UST: variants seen among roughly 807,000 people sequenced by gnomAD.
UST encodes the protein chondroitin sulfate 2-O-sulfotransferase.
A neutral mutation model predicts 45.6 loss-of-function variants in UST; 21 were observed. The observed-to-expected ratio is 0.46, with a 90% CI of 0.33 to 0.66. The LOEUF is 0.66. Among genes scored for constraint, UST ranks in the 30% least tolerant of loss-of-function variants. The probability of loss-of-function intolerance (pLI) is 0.02; values close to 1 mark genes in which losing one functional copy is unlikely to be tolerated. For synonymous variants in UST, 215 were observed against 200.6 expected, an observed-to-expected ratio of 1.07 and a Z score of -0.61; for missense variants, 463 against 512.4, an observed-to-expected ratio of 0.90 and a Z score of 0.93.
At chr6:148,814,956 G>A (rs932443519) in intron 1 of UST, among the ~76,000 whole-genome samples, 1 of 152,182 alleles carries the variant, frequency 6.6e-6, no homozygotes, top group Non-Finnish European at 1.5e-5. Context: ...ATATTAGGAT[G>A]TGTGTGCATA....
At chr6:149,023,427 G>A (rs1045254280) in intron 7 of UST, among the ~76,000 whole-genome samples, 1 of 152,144 alleles carries the variant, frequency 6.6e-6, no homozygotes, top group African/African-American at 2.4e-5. Context: ...TCAGATAACT[G>A]CAGCCCCAAC....
Position 149,074,189 on chromosome 6 carries a change from A to C in UST, c.*73A>C, listed in dbSNP as rs1472903806. On this transcript the variant is annotated 3_prime_UTR_variant, in exon 8 of 8. Coordinates refer to ENST00000367463, the MANE Select transcript of UST (RefSeq NM_005715.3). ...CTTTGTTTGGGGAAGTAAAATCCTT[A>C]AGGGACTAAATTAATGCTTGGGTGC... 31 of 1,514,874 alleles carry C rather than the reference A, an allele frequency of 2.0e-5. No homozygotes were observed. Among genetic ancestry groups the C allele is most frequent in the Non-Finnish European group, 2.7e-5 (30 of 1,111,864 alleles). 93.8% of individuals were successfully genotyped at this position (1,514,874 alleles called of 1,614,324 possible).
At chr6:148,847,690 C>T (rs1005066742) in intron 1 of UST, among the ~76,000 whole-genome samples, 1 of 152,184 alleles carries the variant, frequency 6.6e-6, no homozygotes, top group Non-Finnish European at 1.5e-5. Flanking sequence ...AATACAGATA[C>T]TGTGAGGAAA....
chr6:149,016,988 G>A (rs1319103686), intron 5 of UST, among the ~76,000 whole-genome samples: 1 of 152,224 alleles, frequency 6.6e-6, no homozygotes, highest in Non-Finnish European at 1.5e-5. Flanking sequence ...AGGGCAGGGG[G>A]CTCAGAGCAT....
chr6:148,822,525 G>C (rs1777487314), intron 1 of UST, among the ~76,000 whole-genome samples: 1 of 152,204 alleles, frequency 6.6e-6, no homozygotes, highest in South Asian at 2.1e-4. Flanking sequence ...TGAATGTATA[G>C]AAAGAGAAAT....
chr6:148,748,398 CTTGTGTGT>C lies in UST; in HGVS notation c.247+722_247+729del, dbSNP rs1237200095. Among the ~76,000 whole-genome samples, 1 of 116,144 alleles carries C rather than the reference CTTGTGTGT, an allele frequency of 8.6e-6. No individual in the cohort carries two copies. Among genetic ancestry groups the C allele is most frequent in the Non-Finnish European group, 1.8e-5 (1 of 56,620 alleles). 76.2% of individuals were successfully genotyped at this position (116,144 alleles called of 152,430 possible). On this transcript the variant is annotated intron_variant, in intron 1 of 7. Transcript: ENST00000367463. The surrounding 1 kb of genome is among the most constrained non-coding windows in gnomAD (Gnocchi z 5.3). ...TGTGCGTCTCAAGCTCAAGTCAAAA[CTTGTGTGT>C]GTGTGTGTGTGTGTGTGTGTGTGTG... is the stretch of plus-strand genomic sequence containing the variant.
intron 5 of UST, among the ~76,000 whole-genome samples, chr6:148,977,982 T>G (rs1781052972): frequency 6.6e-6 from 1 of 152,140 alleles, no homozygotes; most frequent in Non-Finnish European, 1.5e-5. Context: ...GTTTTCTTCA[T>G]TTAGATCTTG....
At chr6:148,949,866 T>C (rs1780330256) in intron 3 of UST, among the ~76,000 whole-genome samples, 1 of 152,174 alleles carries the variant, frequency 6.6e-6, no homozygotes, top group South Asian at 2.1e-4. Context: ...TCCTGAAGAA[T>C]TTTCAGATGC....
chr6:148,878,551 G>A (rs1287322025), intron 1 of UST, among the ~76,000 whole-genome samples: 30 of 113,390 alleles, frequency 2.6e-4, no homozygotes, highest in Admixed American at 8.7e-4. Context: ...GTATGAGTGT[G>A]GGGGATCGTG....
intron 1 of UST, among the ~76,000 whole-genome samples, chr6:148,824,457 A>G (rs754785699): frequency 5.3e-4 from 81 of 152,214 alleles, no homozygotes; most frequent in Non-Finnish European, 1.1e-3. Context: ...TAGACTGTGC[A>G]GTATAAGAAA....
Position 149,021,265 on chromosome 6 carries a change from A to G in UST, c.780-59A>G, listed in dbSNP as rs533980523. On this transcript the variant is annotated intron_variant, in intron 6 of 7. Transcript: ENST00000367463. ...GAGGTAGAGGGGGTAAACTCTCAGC[A>G]TCTTGCTGCATTTCAAATATGAATG... is the stretch of plus-strand genomic sequence containing the variant. 6 of 1,528,644 alleles carry G rather than the reference A, an allele frequency of 3.9e-6. No homozygotes were observed. In the African/African-American group the frequency reaches 8.3e-5, roughly 21 times the overall value. The allele number at this position is 1,528,644 out of a possible 1,614,324, so 94.7% of individuals were successfully genotyped here.
chr6:148,902,349 C>T (rs1398151058), intron 2 of UST, among the ~76,000 whole-genome samples: 1 of 151,866 alleles, frequency 6.6e-6, no homozygotes, highest in Non-Finnish European at 1.5e-5. Context: ...ACCTCAGCCT[C>T]CTGAATAGCT....
At chr6:148,757,445 T>C (rs1208389695) in intron 1 of UST, among the ~76,000 whole-genome samples, 3 of 152,202 alleles carry the variant, frequency 2.0e-5, no homozygotes, top group African/African-American at 7.2e-5. Context: ...AAGCATGACT[T>C]TAAGTCATGA....
chr6:149,040,476 A>C (rs1776296353), intron 7 of UST, among the ~76,000 whole-genome samples: 1 of 152,044 alleles, frequency 6.6e-6, no homozygotes, highest in Admixed American at 6.6e-5. Flanking sequence ...CCAACATGGT[A>C]AAACACCGTC....
chr6:148,977,230 ACTATT>A (rs1468382779), intron 5 of UST, among the ~76,000 whole-genome samples: 1 of 151,740 alleles, frequency 6.6e-6, no homozygotes, highest in Non-Finnish European at 1.5e-5. Context: ...TATACAGAAC[ACTATT>A]CTATATATTT....
At chr6:148,913,767 G>A (rs1467393292) in intron 2 of UST, among the ~76,000 whole-genome samples, 1 of 152,034 alleles carries the variant, frequency 6.6e-6, no homozygotes, top group African/African-American at 2.4e-5. Flanking sequence ...AAAATATTAA[G>A]TCTACTAGAA....
intron 1 of UST, among the ~76,000 whole-genome samples, chr6:148,848,209 G>A (rs577440085): frequency 1.3e-5 from 2 of 152,320 alleles, no homozygotes; most frequent in African/African-American, 4.8e-5. Context: ...AAGATGTTCA[G>A]GCTTTAACAC....
chr6:149,008,426 T>G (rs1236879097), intron 5 of UST, among the ~76,000 whole-genome samples: 1 of 152,196 alleles, frequency 6.6e-6, no homozygotes, highest in African/African-American at 2.4e-5. Flanking sequence ...TGGACAATTT[T>G]CAGCATAAGA....
chr6:148,944,818 T>C (rs1012995387), intron 3 of UST, among the ~76,000 whole-genome samples: 16 of 152,184 alleles, frequency 1.1e-4, no homozygotes, highest in Non-Finnish European at 2.2e-4. Flanking sequence ...GCCCTAAAAC[T>C]AGATTTCAGG....
Sources: allele counts gnomAD v4.1 joint callset (sites outside exome capture counted in the v4.1 genomes callset), GRCh38; gene constraint gnomAD v4.1.1; non-coding constraint Gnocchi (gnomAD v3.1); transcripts MANE v1.5; gene names NCBI Gene and HGNC (gene_info 2026-07-23, HGNC 2026-07-21).